Variants in PAX7 observed in about 807,000 individuals in gnomAD.
The protein encoded by PAX7 is paired box protein Pax-7.
Under a neutral mutation model 50.7 loss-of-function variants are expected in PAX7, and 18 were observed. The observed-to-expected ratio is 0.36, with a 90% CI of 0.25 to 0.53. PAX7 has a LOEUF of 0.53. PAX7 is among the 20% of genes least tolerant of loss of function. PAX7 has a pLI of 0.93. For synonymous variants in PAX7, 310 were observed against 290.4 expected (o/e 1.07, Z -0.69); for missense variants, 644 against 702.9 (o/e 0.92, Z 0.95).
intron 4 of PAX7, among the ~76,000 whole-genome samples, chr1:18,662,130 G>A (rs1233050025): frequency 6.6e-6 from 1 of 151,956 alleles, no homozygotes; most frequent in Non-Finnish European, 1.5e-5. Flanking sequence ...GTGGGTGCTG[G>A]GGGGTTGAGG....
intron 7 of PAX7, among the ~76,000 whole-genome samples, chr1:18,720,718 A>G (rs112561243): frequency 3.4e-5 from 5 of 148,852 alleles, no homozygotes; most frequent in East Asian, 2.0e-4. Context: ...GACTGGGGGG[A>G]GAGAGAGAGA....
chr1:18,648,145 G>C (rs1019177431), intron 4 of PAX7, among the ~76,000 whole-genome samples: 2 of 152,072 alleles, frequency 1.3e-5, no homozygotes, highest in Admixed American at 1.3e-4. Context: ...CATCCTCCAG[G>C]TATAAAGGAG....
chr1:18,665,103 G>A (rs989574436), intron 4 of PAX7, among the ~76,000 whole-genome samples: 1 of 152,196 alleles, frequency 6.6e-6, no homozygotes, highest in Non-Finnish European at 1.5e-5. Context: ...GTTAGATGAT[G>A]TGATGTGTGC....
chr1:18,724,654 C>G (rs144641951), intron 7 of PAX7, among the ~76,000 whole-genome samples: 1 of 152,164 alleles, frequency 6.6e-6, no homozygotes, highest in Non-Finnish European at 1.5e-5. Context: ...GAAACAGAAC[C>G]GACTCTATTT....
rs575266748 is a variant in PAX7 at position 18,701,365 on chromosome 1, T to C, written c.952+547T>C. Among the ~76,000 whole-genome samples the C allele has an allele frequency of 1.8e-4, 27 of 151,620 alleles. No individual in the cohort carries two copies. In the South Asian group the frequency reaches 5.4e-3, roughly 31 times the overall value. ...GTGTGAGTGCATGAGTGTGTGCGTA[T>C]GAGTGAGTGAATGAGTGTGTGTGGG... On this transcript the variant is annotated intron_variant, in intron 6 of 8. Transcript: ENST00000420770.
At chr1:18,733,466 A>G (rs2089671954) in intron 7 of PAX7, among the ~76,000 whole-genome samples, 1 of 152,222 alleles carries the variant, frequency 6.6e-6, no homozygotes, top group South Asian at 2.1e-4. Context: ...GATGAGGTTG[A>G]CACACCCCTA....
At chr1:18,712,797 T>C (rs2089370994) in intron 7 of PAX7, among the ~76,000 whole-genome samples, 1 of 152,162 alleles carries the variant, frequency 6.6e-6, no homozygotes, top group Non-Finnish European at 1.5e-5. Context: ...AGGACCACTC[T>C]GGGGCCGGGT....
intron 4 of PAX7, among the ~76,000 whole-genome samples, chr1:18,646,009 G>A (rs1310698448): frequency 6.6e-6 from 1 of 152,106 alleles, no homozygotes; most frequent in African/African-American, 2.4e-5. Context: ...CCCTTCCGAG[G>A]GTCTAAAAAT....
At chr1:18,711,085 G>A (rs1270909324) in intron 7 of PAX7, among the ~76,000 whole-genome samples, 10 of 152,148 alleles carry the variant, frequency 6.6e-5, no homozygotes, top group Non-Finnish European at 1.3e-4. Context: ...CGCTTTCTCG[G>A]GAGGCCTCTC....
In PAX7 at chr1:18,746,198, AG is replaced by A. The variant is rs142337997; in HGVS notation, c.*1270del. ...TTAGGGGCAAATTGCTGTCCTGCTC[AG>A]AGTGGCATCTTTCAATGTTGCCTCC... On this transcript the variant is annotated 3_prime_UTR_variant, in exon 9 of 9. Transcript: ENST00000420770. 9.6e-3 allele frequency: 2,217 copies of A among 231,834 alleles called. 48 individuals carry two copies. Among genetic ancestry groups the A allele is most frequent in the African/African-American group, 0.045 (2,041 of 45,384 alleles). 14.4% of individuals were successfully genotyped at this position (231,834 alleles called of 1,614,324 possible).
intron 5 of PAX7, among the ~76,000 whole-genome samples, chr1:18,696,070 T>C (rs112625395): frequency 5.8e-4 from 75 of 130,254 alleles, no homozygotes; most frequent in East Asian, 2.1e-3. Flanking sequence ...CTTTTCTTTT[T>C]TTTTTTTTTT....
chr1:18,636,509 G>A lies in PAX7; in HGVS notation c.586+138G>A. 1 of 1,153,082 alleles carries A rather than the reference G, an allele frequency of 8.7e-7. No homozygotes were observed. The highest frequency in any genetic ancestry group is 1.2e-6 in the Non-Finnish European group (1 of 818,302). The allele number at this position is 1,153,082 out of a possible 1,614,324, so 71.4% of individuals were successfully genotyped here. A position where few individuals can be genotyped will look rare whatever the true frequency, so the allele number is the denominator to read the frequency against. On this transcript the variant is annotated intron_variant, in intron 4 of 8. Coordinates refer to ENST00000420770, the MANE Select transcript of PAX7 (RefSeq NM_001135254.2). This position sits in a 1 kb window ranked among gnomAD's most constrained non-coding sequence, Gnocchi z 5.1. ...AAACTCTCATGCTGCGGGGCAGCTG[G>A]GAGCCGCTCAGGCTTTGCCGACAGC...
At position 18,748,240 on chromosome 1, in the gene PAX7, A is replaced by G; in HGVS notation, c.*3311A>G. 1 of 226,736 alleles carries G rather than the reference A, an allele frequency of 4.4e-6. No homozygotes were observed. The highest frequency in any genetic ancestry group is 6.3e-5 in the East Asian group (1 of 15,828). 14.0% of individuals were successfully genotyped at this position (226,736 alleles called of 1,614,324 possible). ...CAGAGTTTGACCACTGCCAGAATCC[A>G]GTGTTTCAAGATGGAGTTGGTGAAG... On this transcript the variant is annotated 3_prime_UTR_variant, in exon 9 of 9. Transcript: ENST00000420770.
At chr1:18,741,163 A>C (rs770793252) in intron 8 of PAX7, among the ~76,000 whole-genome samples, 1 of 152,188 alleles carries the variant, frequency 6.6e-6, no homozygotes, top group Non-Finnish European at 1.5e-5. Flanking sequence ...AATGATAAAT[A>C]CTGGGCCAGG....
At chr1:18,708,605 CT>C in intron 7 of PAX7, among the ~76,000 whole-genome samples, 1 of 152,060 alleles carries the variant, frequency 6.6e-6, no homozygotes, top group East Asian at 1.9e-4. Flanking sequence ...TGAAAGGAAC[CT>C]TTTGTAACGC....
chr1:18,700,622 G>T lies in PAX7; in HGVS notation c.787-31G>T. On this transcript the variant is annotated intron_variant, in intron 5 of 8. Coordinates refer to ENST00000420770, the MANE Select transcript of PAX7 (RefSeq NM_001135254.2). This position sits in a 1 kb window ranked among gnomAD's most constrained non-coding sequence, Gnocchi z 4.8. Reference sequence around the variant, plus strand: ...GCTCTCTGCCAGGAACCTGGCCGAGGGGTCTCCATTCTCTGCTCTCCACCT... The same window carrying T: ...GCTCTCTGCCAGGAACCTGGCCGAGTGGTCTCCATTCTCTGCTCTCCACCT... 1 of 1,488,186 alleles carries T rather than the reference G, an allele frequency of 6.7e-7. No individual in the cohort carries two copies. 92.2% of individuals were successfully genotyped at this position (1,488,186 alleles called of 1,614,324 possible).
intron 1 of PAX7, 89 bp downstream of exon 1, chr1:18,631,777 G>C (rs777819523): frequency 8.0e-5 from 88 of 1,099,904 alleles, no homozygotes; most frequent in Non-Finnish European, 1.1e-4. Context: ...GGACGGTGGC[G>C]GCGCCGGCGA....
At chr1:18,684,315 CT>C (rs1226628151) in intron 4 of PAX7, among the ~76,000 whole-genome samples, 2 of 152,192 alleles carry the variant, frequency 1.3e-5, no homozygotes, top group African/African-American at 4.8e-5. Flanking sequence ...ACAGTGCTGG[CT>C]GGGTATGGTG....
chr1:18,650,249 C>A (rs2088411259), intron 4 of PAX7, among the ~76,000 whole-genome samples: 1 of 152,230 alleles, frequency 6.6e-6, no homozygotes, highest in East Asian at 1.9e-4. Context: ...GATTATCCTC[C>A]TCTTCTATTC....
Sources: allele counts gnomAD v4.1 joint callset (sites outside exome capture counted in the v4.1 genomes callset), GRCh38; gene constraint gnomAD v4.1.1; non-coding constraint Gnocchi (gnomAD v3.1); transcripts MANE v1.5; gene names NCBI Gene and HGNC (gene_info 2026-07-23, HGNC 2026-07-21).